UMAD1: variants seen among roughly 807,000 people sequenced by gnomAD.
UMAD1 encodes UBAP1-MVB12-associated (UMA)-domain containing protein 1.
UMAD1 carries 8 observed loss-of-function variants against 6.1 expected under a neutral mutation model. That is an observed-to-expected ratio of 1.30 (90% CI 0.76 to 2.35). The LOEUF (loss-of-function observed/expected upper bound fraction) is 2.35. Among genes scored for constraint, UMAD1 ranks in the 30% most tolerant of loss-of-function variants. The pLI, the probability that UMAD1 is intolerant of heterozygous loss-of-function variation, is 0.00. For missense variants in UMAD1, 130 were observed against 78.4 expected, an observed-to-expected ratio of 1.66 and a Z score of -2.49; for synonymous variants, 56 against 31.4, an observed-to-expected ratio of 1.78 and a Z score of -2.61.
intron 2 of UMAD1, among the ~76,000 whole-genome samples, chr7:7,740,451 C>T (rs888924572): frequency 1.3e-5 from 2 of 152,198 alleles, no homozygotes; most frequent in African/African-American, 4.8e-5. Flanking sequence ...CTTTATGCTA[C>T]TTTTTATGGT....
At chr7:7,783,873 C>T (rs1782402026) in intron 2 of UMAD1, among the ~76,000 whole-genome samples, 2 of 152,050 alleles carry the variant, frequency 1.3e-5, no homozygotes, top group Non-Finnish European at 2.9e-5. Context: ...AAAATAAGAC[C>T]AAAGACTGAC....
At chr7:7,850,452 T>C (rs1783887315) in intron 3 of UMAD1, among the ~76,000 whole-genome samples, 1 of 151,996 alleles carries the variant, frequency 6.6e-6, no homozygotes. Flanking sequence ...TCCATCTACT[T>C]CCCCCCAAAG....
chr7:7,850,277 T>A (rs975009784), intron 3 of UMAD1, among the ~76,000 whole-genome samples: 1 of 152,114 alleles, frequency 6.6e-6, no homozygotes, highest in African/African-American at 2.4e-5. Context: ...AATATGAAAC[T>A]CTTACATCAT....
intron 2 of UMAD1, among the ~76,000 whole-genome samples, chr7:7,702,306 C>A (rs1402880426): frequency 3.9e-5 from 6 of 152,100 alleles, no homozygotes; most frequent in Non-Finnish European, 8.8e-5. Flanking sequence ...GACTAGAGTT[C>A]CTATGCTTCC....
chr7:7,762,524 A>G (rs1465984877), intron 2 of UMAD1, among the ~76,000 whole-genome samples: 2 of 152,110 alleles, frequency 1.3e-5, no homozygotes, highest in Non-Finnish European at 2.9e-5. Context: ...CTTAACATTG[A>G]TTGTGTGACT....
chr7:7,699,053 G>GT (rs1563133950), intron 2 of UMAD1, among the ~76,000 whole-genome samples: 1 of 150,684 alleles, frequency 6.6e-6, no homozygotes, highest in African/African-American at 2.4e-5. Context: ...TGTGTGTGGG[G>GT]GGGGGGTAGA....
At chr7:7,825,304 G>A (rs12702663) in intron 3 of UMAD1, among the ~76,000 whole-genome samples, 2,114 of 152,256 alleles carry the variant, frequency 0.014, 16 homozygotes, top group African/African-American at 0.016. Flanking sequence ...ACTCTTCTCA[G>A]ATAGCATTTT....
At chr7:7,850,524 A>G (rs988129330) in intron 3 of UMAD1, among the ~76,000 whole-genome samples, 5 of 152,140 alleles carry the variant, frequency 3.3e-5, no homozygotes, top group Non-Finnish European at 4.4e-5. Context: ...TTGGCAACAA[A>G]GAAAACTGAT....
intron 3 of UMAD1, among the ~76,000 whole-genome samples, chr7:7,816,631 G>T (rs1010629504): frequency 6.6e-6 from 1 of 152,218 alleles, no homozygotes; most frequent in Non-Finnish European, 1.5e-5. Flanking sequence ...AGTCCAAAAG[G>T]AAAGCTGATA....
At chr7:7,762,321 C>T (rs1053173202) in intron 2 of UMAD1, among the ~76,000 whole-genome samples, 1 of 152,148 alleles carries the variant, frequency 6.6e-6, no homozygotes, top group East Asian at 1.9e-4. Context: ...AAAAAAAAAT[C>T]TTGACTCTTG....
chr7:7,697,208 C>G (rs1413818700), intron 2 of UMAD1, among the ~76,000 whole-genome samples: 1 of 152,150 alleles, frequency 6.6e-6, no homozygotes, highest in Non-Finnish European at 1.5e-5. Context: ...CACTTTGATA[C>G]ACTTTGCAAC....
intron 2 of UMAD1, among the ~76,000 whole-genome samples, chr7:7,767,128 C>CTTT (rs71014711): frequency 0.051 from 6,611 of 129,778 alleles, 473 homozygotes; most frequent in South Asian, 0.17. Context: ...AAATTAAGCT[C>CTTT]TTTTTTTTTT....
intron 1 of UMAD1, among the ~76,000 whole-genome samples, chr7:7,657,392 C>G: frequency 6.6e-6 from 1 of 152,184 alleles, no homozygotes; most frequent in East Asian, 1.9e-4. Context: ...TTGCCCATGC[C>G]TATGTCCTGA....
chr7:7,861,554 C>G (rs1784115431), intron 3 of UMAD1, among the ~76,000 whole-genome samples: 1 of 152,200 alleles, frequency 6.6e-6, no homozygotes, highest in South Asian at 2.1e-4. Context: ...GTGAGTAACA[C>G]TATCACTCAT....
At chr7:7,827,423 A>G (rs148861357) in intron 3 of UMAD1, among the ~76,000 whole-genome samples, 56 of 152,094 alleles carry the variant, frequency 3.7e-4, no homozygotes, top group Non-Finnish European at 6.9e-4. Context: ...TTATTTTAGG[A>G]TATTTATCGT....
At chr7:7,811,702 G>C (rs969147737) in intron 3 of UMAD1, among the ~76,000 whole-genome samples, 10 of 152,176 alleles carry the variant, frequency 6.6e-5, no homozygotes, top group Non-Finnish European at 1.5e-4. Context: ...AGGGAGATGC[G>C]AATCTGCTGC....
intron 3 of UMAD1, among the ~76,000 whole-genome samples, chr7:7,838,173 A>G (rs1368600441): frequency 6.6e-6 from 1 of 152,198 alleles, no homozygotes; most frequent in Non-Finnish European, 1.5e-5. Context: ...GAGGCCAGAT[A>G]AATATTTTAG....
At chr7:7,728,978 T>C (rs1781195662) in intron 2 of UMAD1, among the ~76,000 whole-genome samples, 1 of 152,190 alleles carries the variant, frequency 6.6e-6, no homozygotes, top group Admixed American at 6.5e-5. Flanking sequence ...ACAACCTAAA[T>C]AAGTGTAAAA....
intron 1 of UMAD1, among the ~76,000 whole-genome samples, chr7:7,650,477 GA>G (rs2081260763): frequency 6.6e-6 from 1 of 152,094 alleles, no homozygotes; most frequent in South Asian, 2.1e-4. Context: ...TTTAAATTGT[GA>G]TTTTGCTGTA....
Sources: gnomAD v4.1 joint callset for allele counts (sites outside exome capture counted in the v4.1 genomes callset) on GRCh38, gnomAD v4.1.1 for gene constraint, MANE v1.5 for transcripts, NCBI Gene and HGNC (gene_info 2026-07-23, HGNC 2026-07-21) for gene names.